The following CMSS1 variants were observed in gnomAD, a reference collection of about 807,000 sequenced individuals.
The protein encoded by CMSS1 is protein CMSS1.
CMSS1 carries 33 observed loss-of-function variants against 43.5 expected under a neutral mutation model. The observed-to-expected ratio is 0.76, with a 90% CI of 0.57 to 1.01. The LOEUF is 1.01. CMSS1 is among the 50% of genes least tolerant of loss of function. The pLI is 0.00. For synonymous variants in CMSS1, 115 were observed against 117.2 expected (o/e 0.98, Z 0.12); for missense variants, 313 against 326.4 (o/e 0.96, Z 0.32).
chr3:99,966,886 C>T (rs115315083), intron 1 of CMSS1, among the ~76,000 whole-genome samples: 1,774 of 152,262 alleles, frequency 0.012, 19 homozygotes, highest in African/African-American at 0.026. Context: ...GGCAGAACTC[C>T]GAGCAGCCTG....
intron 1 of CMSS1, among the ~76,000 whole-genome samples, chr3:99,936,874 A>G (rs1027345120): frequency 1.3e-5 from 2 of 152,176 alleles, no homozygotes; most frequent in African/African-American, 2.4e-5. Context: ...CATTTATGAA[A>G]TGAAGCCCTA....
At chr3:100,077,359 T>C (rs558230224) in intron 1 of CMSS1, among the ~76,000 whole-genome samples, 171 of 152,352 alleles carry the variant, frequency 1.1e-3, no homozygotes, top group Non-Finnish European at 1.9e-3. Flanking sequence ...GAAGCAAGTA[T>C]GTTTGTACTT....
intron 1 of CMSS1, among the ~76,000 whole-genome samples, chr3:99,888,516 C>G (rs772353074): frequency 6.6e-6 from 1 of 152,144 alleles, no homozygotes; most frequent in Admixed American, 6.5e-5. Context: ...AAAACAAAAG[C>G]ACCCCTGAAT....
At chr3:99,944,169 C>T (rs1000098534) in intron 1 of CMSS1, among the ~76,000 whole-genome samples, 1 of 152,160 alleles carries the variant, frequency 6.6e-6, no homozygotes, top group Non-Finnish European at 1.5e-5. Flanking sequence ...TTCTTCTAGT[C>T]AGTGCTAAAC....
At chr3:99,988,288 G>A (rs1041101903) in intron 1 of CMSS1, among the ~76,000 whole-genome samples, 1 of 147,030 alleles carries the variant, frequency 6.8e-6, no homozygotes, top group Non-Finnish European at 1.5e-5. Context: ...ACGAGGTTGG[G>A]AGATGGAGAC....
intron 1 of CMSS1, among the ~76,000 whole-genome samples, chr3:99,869,370 C>T (rs1944674556): frequency 6.6e-6 from 1 of 152,166 alleles, no homozygotes; most frequent in Admixed American, 6.5e-5. Context: ...GGCAAAGTTA[C>T]TCTCACTTTT....
At chr3:99,935,384 A>G (rs1707631594) in intron 1 of CMSS1, among the ~76,000 whole-genome samples, 1 of 152,260 alleles carries the variant, frequency 6.6e-6, no homozygotes, top group African/African-American at 2.4e-5. Flanking sequence ...CTTAGTTGTC[A>G]GTTTAACACA....
intron 1 of CMSS1, among the ~76,000 whole-genome samples, chr3:100,027,305 C>G (rs1248457259): frequency 6.6e-6 from 1 of 152,128 alleles, no homozygotes; most frequent in Non-Finnish European, 1.5e-5. Context: ...CTGTTTACAT[C>G]TGGAAATGAG....
chr3:100,124,180 A>C (rs1428765157), intron 1 of CMSS1, among the ~76,000 whole-genome samples: 1 of 152,200 alleles, frequency 6.6e-6, no homozygotes, highest in Non-Finnish European at 1.5e-5. Context: ...TGTGGCTGAA[A>C]ACATTCCTAT....
Position 100,155,307 on chromosome 3 carries a change from C to T in CMSS1, c.154-5123C>T, listed in dbSNP as rs1028951833. ...TGAGAGAAAGAAGCTATAACCATCC[C>T]TCCTTTCTTATACAGCTCTTTATTT... On this transcript the variant is annotated intron_variant, in intron 2 of 9. Transcript: ENST00000421999. Among the ~76,000 whole-genome samples the T allele has an allele frequency of 2.6e-5, 4 of 152,324 alleles. No homozygotes were observed. The South Asian group carries it at 6.2e-4, about 24-fold the overall frequency.
intron 1 of CMSS1, among the ~76,000 whole-genome samples, chr3:100,136,243 T>C (rs2066751855): frequency 6.6e-6 from 1 of 152,064 alleles, no homozygotes; most frequent in African/African-American, 2.4e-5. Context: ...TTTTGCCGTA[T>C]GTTAGACAGC....
intron 1 of CMSS1, among the ~76,000 whole-genome samples, chr3:100,078,267 C>T (rs929016712): frequency 6.6e-6 from 1 of 152,016 alleles, no homozygotes; most frequent in Non-Finnish European, 1.5e-5. Flanking sequence ...AATAAAACAC[C>T]CTCTAGAAAT....
intron 1 of CMSS1, among the ~76,000 whole-genome samples, chr3:100,037,791 G>A (rs955254632): frequency 6.6e-6 from 1 of 152,132 alleles, no homozygotes; most frequent in African/African-American, 2.4e-5. Flanking sequence ...TGAGGAAAAT[G>A]ACAGTGATGA....
rs530923384 is a variant in CMSS1, at chr3:99,848,816, TGGA to T, written c.64+30776_64+30778del. 1,146 of 1,614,184 alleles carry T rather than the reference TGGA, an allele frequency of 7.1e-4. 1 individual carries two copies. Among genetic ancestry groups the T allele is most frequent in the Non-Finnish European group, 8.8e-4 (1,039 of 1,180,024 alleles). On this transcript the variant is annotated intron_variant, in intron 1 of 9. Transcript: ENST00000421999. ...GAGGTTTTGGACTTTACTGGTGTTA[TGGA>T]GGCGTTTTGGAGGATGGTTATCCTT...
At chr3:99,986,328 T>A (rs945581794) in intron 1 of CMSS1, among the ~76,000 whole-genome samples, 3 of 152,184 alleles carry the variant, frequency 2.0e-5, no homozygotes, top group Non-Finnish European at 4.4e-5. Context: ...CTCCACTCCA[T>A]TGCCATAAAG....
chr3:99,934,681 G>T (rs1707601636), intron 1 of CMSS1, among the ~76,000 whole-genome samples: 1 of 152,180 alleles, frequency 6.6e-6, no homozygotes, highest in Non-Finnish European at 1.5e-5. Context: ...GCCCTGAGCT[G>T]CAACAGAAGA....
intron 1 of CMSS1, among the ~76,000 whole-genome samples, chr3:100,098,755 A>G (rs2066255709): frequency 6.6e-6 from 1 of 152,220 alleles, no homozygotes; most frequent in African/African-American, 2.4e-5. Flanking sequence ...ACTCACCATG[A>G]AAACAAACCA....
intron 1 of CMSS1, among the ~76,000 whole-genome samples, chr3:100,004,144 T>G (rs1559721855): frequency 1.3e-5 from 2 of 152,232 alleles, no homozygotes; most frequent in Non-Finnish European, 2.9e-5. Flanking sequence ...CTAGGGGATT[T>G]GCAAGGTAAT....
chr3:100,167,896 C>A, intron 6 of CMSS1, 56 bp downstream of exon 6: 1 of 1,204,592 alleles, frequency 8.3e-7, no homozygotes, highest in Non-Finnish European at 1.2e-6. Context: ...CTGATATATG[C>A]CAAGCTATTA....
Sources: gnomAD v4.1 joint callset for allele counts (sites outside exome capture counted in the v4.1 genomes callset) on GRCh38, gnomAD v4.1.1 for gene constraint, MANE v1.5 for transcripts, NCBI Gene and HGNC (gene_info 2026-07-23, HGNC 2026-07-21) for gene names.